The following CCDC102B variants were observed in gnomAD, a reference collection of about 807,000 sequenced individuals.
The protein encoded by CCDC102B is coiled-coil domain-containing protein 102B.
Under a neutral mutation model 57.4 loss-of-function variants are expected in CCDC102B, and 75 were observed. The observed-to-expected ratio is 1.31, with a 90% CI of 1.08 to 1.58. The LOEUF is 1.58. Among genes scored for constraint, CCDC102B ranks in the 40% most tolerant of loss-of-function variants. The pLI, the probability that CCDC102B is intolerant of heterozygous loss-of-function variation, is 0.00. For synonymous variants in CCDC102B, 206 were observed against 201.9 expected (o/e 1.02, Z -0.17); for missense variants, 636 against 582.6 (o/e 1.09, Z -0.94).
intron 6 of CCDC102B, among the ~76,000 whole-genome samples, chr18:68,969,848 A>G (rs1246557684): frequency 2.0e-5 from 3 of 152,160 alleles, no homozygotes; most frequent in African/African-American, 7.2e-5. Flanking sequence ...TTTCAGAAGC[A>G]TGTAATCAGA....
rs569498187 is a variant in CCDC102B at position 68,948,251 on chromosome 18, G to A, written c.1263+50823G>A. Among the ~76,000 whole-genome samples, 34 of 152,088 alleles carry A rather than the reference G, an allele frequency of 2.2e-4. 1 individual carries two copies. In the South Asian group the frequency reaches 6.9e-3, roughly 31 times the overall value. On this transcript the variant is annotated intron_variant, in intron 6 of 7. Coordinates refer to ENST00000360242, the MANE Select transcript of CCDC102B (RefSeq NM_024781.3). ...AGAATTACAGTTAAAGCATATTGTC[G>A]ATGTACAGGGTAATTTCTGTGACTT...
chr18:69,020,891 G>A (rs2051814912), intron 7 of CCDC102B, among the ~76,000 whole-genome samples: 1 of 152,154 alleles, frequency 6.6e-6, no homozygotes, highest in Non-Finnish European at 1.5e-5. Context: ...TTCTAGATTT[G>A]AGATAAATTC....
chr18:68,872,917 C>A (rs55771454), intron 4 of CCDC102B, among the ~76,000 whole-genome samples: 1 of 151,856 alleles, frequency 6.6e-6, no homozygotes, highest in East Asian at 1.9e-4. Flanking sequence ...TGCTTTCCTG[C>A]CTCCTCTCTC....
At chr18:68,763,053 G>A (rs746208697) in intron 2 of CCDC102B, among the ~76,000 whole-genome samples, 4 of 151,994 alleles carry the variant, frequency 2.6e-5, no homozygotes, top group East Asian at 1.9e-4. Context: ...TATTTTAGAC[G>A]TGATTTTATA....
intron 5 of CCDC102B, among the ~76,000 whole-genome samples, chr18:68,887,924 A>G (rs2039945873): frequency 6.6e-6 from 1 of 152,164 alleles, no homozygotes; most frequent in Non-Finnish European, 1.5e-5. Context: ...ATTCATATTT[A>G]TGTTTGCTAA....
Position 69,054,231 on chromosome 18 carries a change from A to G in CCDC102B, c.*94A>G. 1 of 1,392,592 alleles carries G rather than the reference A, an allele frequency of 7.2e-7. No homozygotes were observed. Among genetic ancestry groups the G allele is most frequent in the Non-Finnish European group, 9.3e-7 (1 of 1,076,186 alleles). The allele number at this position is 1,392,592 out of a possible 1,614,324, so 86.3% of individuals were successfully genotyped here. On this transcript the variant is annotated 3_prime_UTR_variant, in exon 8 of 8. Transcript: ENST00000360242. ...ATCAGTAAAATTGTTTTTATTAACT[A>G]GAAATATTAATGAAAAAAACGTAGA...
chr18:69,019,874 G>A (rs1218463703), intron 7 of CCDC102B, among the ~76,000 whole-genome samples: 1 of 152,026 alleles, frequency 6.6e-6, no homozygotes, highest in East Asian at 1.9e-4. Context: ...TATTGTGCTT[G>A]GGCAAGTTTC....
chr18:68,750,854 T>C (rs1379836321), intron 2 of CCDC102B, among the ~76,000 whole-genome samples: 2 of 151,206 alleles, frequency 1.3e-5, no homozygotes, highest in African/African-American at 2.4e-5. Flanking sequence ...ATGTAAATGA[T>C]GGGTTAATGG....
chr18:68,797,437 C>T (rs1222518298), upstream of CCDC102B, among the ~76,000 whole-genome samples: 1 of 151,942 alleles, frequency 6.6e-6, no homozygotes, highest in Non-Finnish European at 1.5e-5. Context: ...CCTCAACCCC[C>T]ATCAGAACAC....
At chr18:68,986,812 T>C (rs756857187) in intron 6 of CCDC102B, among the ~76,000 whole-genome samples, 36 of 151,996 alleles carry the variant, frequency 2.4e-4, no homozygotes, top group Non-Finnish European at 5.1e-4. Context: ...AACACAATCC[T>C]CTTTACAATA....
intron 4 of CCDC102B, among the ~76,000 whole-genome samples, chr18:68,863,452 T>G (rs948287771): frequency 2.6e-5 from 4 of 151,984 alleles, no homozygotes; most frequent in Non-Finnish European, 5.9e-5. Context: ...CTCACTGTGG[T>G]ATTAGCAGAC....
chr18:68,736,312 C>T (rs1054592337), intron 2 of CCDC102B, among the ~76,000 whole-genome samples: 4 of 152,114 alleles, frequency 2.6e-5, no homozygotes, highest in East Asian at 1.9e-4. Context: ...GTTGCTTGCT[C>T]GTCAGAAACA....
At chr18:68,728,945 TA>T (rs904581233) in intron 2 of CCDC102B, among the ~76,000 whole-genome samples, 1 of 151,840 alleles carries the variant, frequency 6.6e-6, no homozygotes, top group African/African-American at 2.4e-5. Flanking sequence ...GATTTTTTTT[TA>T]AAAAAGTTCA....
chr18:68,749,010 C>CA (rs2033739788), intron 2 of CCDC102B, among the ~76,000 whole-genome samples: 1 of 152,170 alleles, frequency 6.6e-6, no homozygotes, highest in African/African-American at 2.4e-5. Flanking sequence ...CCAGTTTTCC[C>CA]ATCACCATTT....
chr18:68,769,271 A>G (rs1339687690), intron 2 of CCDC102B, among the ~76,000 whole-genome samples: 1 of 150,698 alleles, frequency 6.6e-6, no homozygotes, highest in African/African-American at 2.4e-5. Flanking sequence ...AAAAAAAAAG[A>G]TTGAATCGAT....
chr18:69,049,053 T>A (rs1349991124), intron 7 of CCDC102B, among the ~76,000 whole-genome samples: 5 of 151,792 alleles, frequency 3.3e-5, no homozygotes, highest in East Asian at 1.9e-4. Flanking sequence ...TTTTTTTTTT[T>A]ATTATACTTT....
At chr18:68,996,910 A>T (rs931682719) in intron 6 of CCDC102B, among the ~76,000 whole-genome samples, 13 of 152,212 alleles carry the variant, frequency 8.5e-5, no homozygotes, top group African/African-American at 3.1e-4. Context: ...CCCAAATCTC[A>T]TCTTGAATGG....
At chr18:69,009,908 T>C (rs1467657638) in intron 6 of CCDC102B, among the ~76,000 whole-genome samples, 1 of 144,074 alleles carries the variant, frequency 6.9e-6, no homozygotes. Context: ...ACTTTTTCTT[T>C]ATAGTTTTAA....
intron 2 of CCDC102B, among the ~76,000 whole-genome samples, chr18:68,741,910 A>G (rs1170024930): frequency 6.6e-6 from 1 of 152,146 alleles, no homozygotes; most frequent in Non-Finnish European, 1.5e-5. Flanking sequence ...ACACCAAAGG[A>G]GGGAGCACCT....
Sources: allele counts gnomAD v4.1 joint callset (sites outside exome capture counted in the v4.1 genomes callset), GRCh38; gene constraint gnomAD v4.1.1; transcripts MANE v1.5; gene names NCBI Gene and HGNC (gene_info 2026-07-23, HGNC 2026-07-21).